The following SLIT3 variants were observed in gnomAD, a reference collection of about 807,000 sequenced individuals.
SLIT3 encodes the protein slit homolog 3 protein.
In SLIT3, 68 loss-of-function variants were observed where a neutral mutation model predicts 184.0. That is an observed-to-expected ratio of 0.37 (90% CI 0.30 to 0.45). The LOEUF is 0.45. Among genes scored for constraint, SLIT3 ranks in the 20% least tolerant of loss-of-function variants. SLIT3 has a pLI of 1.00. For synonymous variants in SLIT3, 831 were observed against 828.6 expected (o/e 1.00, Z -0.05); for missense variants, 1,707 against 2,026.0 (o/e 0.84, Z 3.02).
chr5:168,733,436 G>A (rs1380114416), intron 20 of SLIT3, among the ~76,000 whole-genome samples: 10 of 152,138 alleles, frequency 6.6e-5, no homozygotes, highest in African/African-American at 2.2e-4. Context: ...CACCACTACT[G>A]GGTAAACACC....
At chr5:169,013,063 A>G (rs1190205297) in intron 4 of SLIT3, 1 of 152,238 alleles carries the variant, frequency 6.6e-6, no homozygotes, top group Non-Finnish European at 1.5e-5. Context: ...GTCTTTTACT[A>G]GCACTGGCCA....
At chr5:169,091,882 C>G (rs1278389043) in intron 4 of SLIT3, among the ~76,000 whole-genome samples, 1 of 152,206 alleles carries the variant, frequency 6.6e-6, no homozygotes, top group African/African-American at 2.4e-5. Flanking sequence ...CCAAGGTTGA[C>G]AGCCTGGGAT....
intron 14 of SLIT3, chr5:168,768,142 A>T (rs1185532758): frequency 3.9e-6 from 2 of 509,956 alleles, no homozygotes; most frequent in South Asian, 2.9e-5. Context: ...GTGGCGGGCC[A>T]TGCTGCAGGA....
chr5:168,902,078 G>A (rs1330853209), intron 4 of SLIT3, among the ~76,000 whole-genome samples: 2 of 152,134 alleles, frequency 1.3e-5, no homozygotes, highest in Admixed American at 6.5e-5. Context: ...TTTTAGTAGA[G>A]ACGGGATTTC....
chr5:168,931,438 T>G (rs977752611), intron 4 of SLIT3, among the ~76,000 whole-genome samples: 1 of 152,174 alleles, frequency 6.6e-6, no homozygotes, highest in Non-Finnish European at 1.5e-5. Context: ...ATCTGGGGAT[T>G]CAGGGGTGAG....
At chr5:168,741,006 T>A (rs922128842) in intron 20 of SLIT3, among the ~76,000 whole-genome samples, 1 of 152,072 alleles carries the variant, frequency 6.6e-6, no homozygotes, top group Non-Finnish European at 1.5e-5. Context: ...TCACTGCACG[T>A]GGGGGCATTT....
At chr5:168,897,647 T>TGCACGCACACACACACACACAC (rs3223457) in intron 4 of SLIT3, among the ~76,000 whole-genome samples, 1 of 141,414 alleles carries the variant, frequency 7.1e-6, no homozygotes, top group South Asian at 2.3e-4. Flanking sequence ...CAGGTGCACG[T>TGCACGCACACACACACACACAC]ACACACACAC....
chr5:169,206,659 T>A (rs1472900604), intron 3 of SLIT3, among the ~76,000 whole-genome samples: 3 of 152,234 alleles, frequency 2.0e-5, no homozygotes, highest in Admixed American at 6.5e-5. Context: ...TCTCTTTCAT[T>A]TTTGTTCTAA....
At chr5:169,154,196 G>C (rs1302639261) in intron 4 of SLIT3, among the ~76,000 whole-genome samples, 2 of 152,030 alleles carry the variant, frequency 1.3e-5, no homozygotes, top group African/African-American at 4.8e-5. Flanking sequence ...TCCTGACCTC[G>C]TGATCCACCC....
chr5:168,686,055 G>T, intron 30 of SLIT3, 128 bp from the exon 31 acceptor site: 3 of 1,074,266 alleles, frequency 2.8e-6, no homozygotes, highest in East Asian at 2.9e-5. Context: ...AGTTCTAGGG[G>T]CTAGTTCCAG....
chr5:168,939,731 G>A (rs1238589697), intron 4 of SLIT3, among the ~76,000 whole-genome samples: 4 of 152,102 alleles, frequency 2.6e-5, no homozygotes, highest in African/African-American at 9.7e-5. Flanking sequence ...TTTATGCAAG[G>A]GACTTTGGTA....
chr5:168,780,055 T>G (rs1755914793), intron 12 of SLIT3, among the ~76,000 whole-genome samples: 1 of 152,142 alleles, frequency 6.6e-6, no homozygotes, highest in Admixed American at 6.5e-5. Context: ...ACATCTGGAG[T>G]CAGGCTTAAT....
intron 6 of SLIT3, among the ~76,000 whole-genome samples, chr5:168,834,157 G>A (rs544565125): frequency 1.5e-4 from 23 of 152,214 alleles, no homozygotes; most frequent in African/African-American, 5.3e-4. Flanking sequence ...TTCCCTAACC[G>A]GCTGCCGCAT....
intron 4 of SLIT3, among the ~76,000 whole-genome samples, chr5:169,084,560 G>A (rs1055700882): frequency 1.3e-5 from 2 of 150,688 alleles, no homozygotes; most frequent in Admixed American, 6.7e-5. Flanking sequence ...CATCTGCCTC[G>A]GCCTCCCAAA....
chr5:168,815,494 G>A (rs916290069), intron 8 of SLIT3, among the ~76,000 whole-genome samples: 2 of 152,118 alleles, frequency 1.3e-5, no homozygotes, highest in African/African-American at 2.4e-5. Context: ...CACTTATGCC[G>A]ATATTGTACC....
chr5:168,952,832 G>A (rs1303729685), intron 4 of SLIT3, among the ~76,000 whole-genome samples: 1 of 152,226 alleles, frequency 6.6e-6, no homozygotes, highest in East Asian at 1.9e-4. Flanking sequence ...ACAGCAATGA[G>A]GTTTCGCAGT....
chr5:169,217,784 T>A lies in SLIT3; in HGVS notation c.342-24234A>T, dbSNP rs1764489983. Among the ~76,000 whole-genome samples the A allele has an allele frequency of 3.9e-5, 6 of 152,090 alleles. No homozygotes were observed. In the South Asian group the frequency reaches 1.2e-3, roughly 32 times the overall value. On this transcript the variant is annotated intron_variant, in intron 3 of 35. Coordinates refer to ENST00000519560, the MANE Select transcript of SLIT3 (RefSeq NM_003062.4). ...ATCTCTTCCAAAGTATACCCACAAT[T>A]CCGAGAGGTGGGAGGTCATTAACCA... is the stretch of plus-strand genomic sequence containing the variant.
intron 1 of SLIT3, among the ~76,000 whole-genome samples, chr5:169,263,971 T>G (rs200161039): frequency 2.1e-4 from 25 of 120,936 alleles, no homozygotes; most frequent in African/African-American, 5.6e-4. Context: ...AGAAACGGGG[T>G]TTTTTTTTTT....
chr5:168,883,451 T>C, intron 4 of SLIT3, 115 bp from the exon 5 acceptor site: 4 of 752,418 alleles, frequency 5.3e-6, no homozygotes, highest in Non-Finnish European at 6.7e-6. Flanking sequence ...GGTCAGAGTG[T>C]ATGGCGGCTG....
Sources: gnomAD v4.1 joint callset for allele counts (sites outside exome capture counted in the v4.1 genomes callset) on GRCh38, gnomAD v4.1.1 for gene constraint, MANE v1.5 for transcripts, NCBI Gene and HGNC (gene_info 2026-07-23, HGNC 2026-07-21) for gene names.